The following ULK4 variants were observed in gnomAD, a reference collection of about 807,000 sequenced individuals.
ULK4 encodes the protein unc-51 like kinase 4, also known as inactive serine/threonine-protein kinase ULK4.
ULK4 carries 133 observed loss-of-function variants against 160.6 expected under a neutral mutation model. The observed-to-expected ratio is 0.83, with a 90% confidence interval of 0.72 to 0.96. The LOEUF (loss-of-function observed/expected upper bound fraction) is 0.96, where lower values mean the gene tolerates loss of function less well. Ranked by LOEUF, ULK4 falls within the 40% of genes least tolerant of loss-of-function variation. The pLI is 0.00. For missense variants in ULK4, 1,580 were observed against 1,499.5 expected (o/e 1.05, Z -0.89); for synonymous variants, 534 against 539.8 (o/e 0.99, Z 0.15).
intron 32 of ULK4, among the ~76,000 whole-genome samples, chr3:41,563,399 T>C (rs996183644): frequency 4.6e-5 from 7 of 152,198 alleles, no homozygotes; most frequent in Admixed American, 1.3e-4. Flanking sequence ...ATTTGAATGC[T>C]GGCCTGCCTT....
At chr3:41,877,835 G>T (rs1214572794) in intron 17 of ULK4, among the ~76,000 whole-genome samples, 1 of 151,668 alleles carries the variant, frequency 6.6e-6, no homozygotes, top group Non-Finnish European at 1.5e-5. Flanking sequence ...TACAAAATTA[G>T]TCGGGCATGA....
intron 34 of ULK4, among the ~76,000 whole-genome samples, chr3:41,420,518 T>G (rs376174405): frequency 1.6e-5 from 2 of 126,686 alleles, no homozygotes; most frequent in African/African-American, 3.0e-5. Flanking sequence ...AGTCTCACTC[T>G]GTCACCCAGG....
At chr3:41,897,410 T>TA (rs910470967) in intron 14 of ULK4, among the ~76,000 whole-genome samples, 21 of 151,856 alleles carry the variant, frequency 1.4e-4, no homozygotes, top group African/African-American at 3.1e-4. Flanking sequence ...AAAATTATTG[T>TA]AAAAAAAATA....
intron 32 of ULK4, among the ~76,000 whole-genome samples, chr3:41,548,435 G>T (rs931029662): frequency 2.6e-5 from 4 of 151,910 alleles, no homozygotes; most frequent in Non-Finnish European, 5.9e-5. Flanking sequence ...CCTGACAAAA[G>T]ACATAGCCTA....
chr3:41,653,381 C>A (rs2034817795), intron 30 of ULK4, among the ~76,000 whole-genome samples: 2 of 152,236 alleles, frequency 1.3e-5, no homozygotes, highest in African/African-American at 2.4e-5. Context: ...TGCCCCCTGA[C>A]TGGCCCTGGT....
chr3:41,787,164 G>A (rs769513163), intron 21 of ULK4, among the ~76,000 whole-genome samples: 6 of 152,104 alleles, frequency 3.9e-5, no homozygotes, highest in Non-Finnish European at 8.8e-5. Flanking sequence ...CCAACCTCAT[G>A]TGACCATGGC....
chr3:41,321,469 T>G (rs555833083), intron 35 of ULK4, among the ~76,000 whole-genome samples: 1 of 152,124 alleles, frequency 6.6e-6, no homozygotes, highest in Non-Finnish European at 1.5e-5. Flanking sequence ...CTGCTATGAT[T>G]GTGTTACAGT....
chr3:41,833,297 T>TGGTTTG (rs562838966), intron 18 of ULK4, among the ~76,000 whole-genome samples: 2 of 138,994 alleles, frequency 1.4e-5, no homozygotes, highest in African/African-American at 5.3e-5. Context: ...TTTTTTTTTT[T>TGGTTTG]TTTGTTTGTT....
At chr3:41,488,431 T>TAC (rs930872155) in intron 32 of ULK4, among the ~76,000 whole-genome samples, 25 of 152,298 alleles carry the variant, frequency 1.6e-4, no homozygotes, top group Admixed American at 1.6e-3. Flanking sequence ...TGGTAAGCTC[T>TAC]ACACACACAC....
intron 18 of ULK4, among the ~76,000 whole-genome samples, chr3:41,835,265 G>C (rs563301709): frequency 6.6e-6 from 1 of 152,146 alleles, no homozygotes; most frequent in African/African-American, 2.4e-5. Flanking sequence ...TAACTTACCA[G>C]TATTTATTTA....
At chr3:41,282,375 C>A (rs1406213055) in intron 35 of ULK4, among the ~76,000 whole-genome samples, 4 of 152,186 alleles carry the variant, frequency 2.6e-5, no homozygotes, top group African/African-American at 9.7e-5. Context: ...AAGCTGGAGG[C>A]ATCATGCTAC....
chr3:41,551,107 C>T (rs1795366), intron 32 of ULK4, among the ~76,000 whole-genome samples: 77,012 of 151,426 alleles, frequency 0.51, 19,668 homozygotes, highest in Middle Eastern at 0.58. Flanking sequence ...AAATACAACA[C>T]ACCAAAACAT....
intron 29 of ULK4, among the ~76,000 whole-genome samples, chr3:41,677,209 G>GC (rs1179242978): frequency 6.7e-6 from 1 of 149,242 alleles, no homozygotes; most frequent in Non-Finnish European, 1.5e-5. Flanking sequence ...GTACCCAGCA[G>GC]CCCCATTTGT....
intron 35 of ULK4, among the ~76,000 whole-genome samples, chr3:41,395,996 GT>G (rs1300976608): frequency 6.6e-6 from 1 of 152,108 alleles, no homozygotes; most frequent in Admixed American, 6.6e-5. Context: ...TTTTGACCAA[GT>G]TGGGGTCTTA....
intron 25 of ULK4, among the ~76,000 whole-genome samples, chr3:41,709,118 A>G (rs2037003087): frequency 6.6e-6 from 1 of 152,212 alleles, no homozygotes; most frequent in South Asian, 2.1e-4. Context: ...GTTGTCTCCT[A>G]GTGTAGAGTT....
intron 21 of ULK4, among the ~76,000 whole-genome samples, chr3:41,774,453 C>A (rs576125586): frequency 1.3e-5 from 2 of 150,468 alleles, no homozygotes; most frequent in East Asian, 1.9e-4. Context: ...ATTTATGCAG[C>A]CAAAAAACAC....
At position 41,908,568 on chromosome 3, in the gene ULK4, C is replaced by G. The variant is rs1026807157; in HGVS notation, c.1086-627G>C. On this transcript the variant is annotated intron_variant, in intron 11 of 36. Coordinates refer to ENST00000301831, the MANE Select transcript of ULK4 (RefSeq NM_017886.4). ...TCAAGCAATTCTCGTGCCTTAGCCT[C>G]CCGAGTAGCTGGGATTACAAGTGCC... Among the ~76,000 whole-genome samples, 7 of 152,124 alleles carry G rather than the reference C, an allele frequency of 4.6e-5. No individual in the cohort carries two copies. The East Asian group carries it at 1.4e-3, about 30-fold the overall frequency.
Position 41,666,815 on chromosome 3 carries a change from A to T in ULK4, c.2979-3116T>A, listed in dbSNP as rs186918993. 3.2e-3 allele frequency among the ~76,000 whole-genome samples: 493 copies of T among 152,284 alleles called. 4 individuals carry two copies. The highest frequency in any genetic ancestry group is 7.1e-3 in the Admixed American group (109 of 15,270). On this transcript the variant is annotated intron_variant, in intron 29 of 36. Coordinates refer to ENST00000301831, the MANE Select transcript of ULK4 (RefSeq NM_017886.4). ...TCAATAGGGCTAGAAAATATATCTT[A>T]AAATAGACTTGAAAGATACAGAATC...
At chr3:41,951,419 A>C (rs1700293532) in intron 2 of ULK4, among the ~76,000 whole-genome samples, 1 of 151,936 alleles carries the variant, frequency 6.6e-6, no homozygotes, top group Non-Finnish European at 1.5e-5. Flanking sequence ...AAAAGCTGGA[A>C]AACACACACT....
Sources: gnomAD v4.1 joint callset for allele counts (sites outside exome capture counted in the v4.1 genomes callset) on GRCh38, gnomAD v4.1.1 for gene constraint, MANE v1.5 for transcripts, NCBI Gene and HGNC (gene_info 2026-07-23, HGNC 2026-07-21) for gene names.